Variants in IMMP1L observed in about 807,000 individuals in gnomAD.
The protein encoded by IMMP1L is mitochondrial inner membrane protease subunit 1.
IMMP1L carries 24 observed loss-of-function variants against 21.8 expected under a neutral mutation model. That is an observed-to-expected ratio of 1.10 (90% CI 0.80 to 1.55). The LOEUF (loss-of-function observed/expected upper bound fraction) is 1.55. Among genes scored for constraint, IMMP1L ranks in the 40% most tolerant of loss-of-function variants. The probability of loss-of-function intolerance (pLI) is 0.00; values close to 1 mark genes in which losing one functional copy is unlikely to be tolerated. For missense variants in IMMP1L, 195 were observed against 200.7 expected (o/e 0.97, Z 0.17); for synonymous variants, 46 against 62.8 (o/e 0.73, Z 1.26).
chr11:31,504,407 C>T (rs912388008), intron 1 of IMMP1L, among the ~76,000 whole-genome samples: 5 of 152,168 alleles, frequency 3.3e-5, no homozygotes, highest in Admixed American at 1.3e-4. Flanking sequence ...TGGATAGACC[C>T]TTTCACAAAA....
intron 1 of IMMP1L, among the ~76,000 whole-genome samples, chr11:31,505,465 G>C (rs916816254): frequency 6.6e-6 from 1 of 152,168 alleles, no homozygotes; most frequent in Non-Finnish European, 1.5e-5. Flanking sequence ...AAAACAAACT[G>C]ACATTAGGCA....
chr11:31,475,864 A>T (rs748123045), intron 1 of IMMP1L, among the ~76,000 whole-genome samples: 11 of 152,144 alleles, frequency 7.2e-5, no homozygotes, highest in Non-Finnish European at 1.5e-4. Flanking sequence ...AATAAGAGTG[A>T]CCCCTAGAAC....
At chr11:31,444,432 CT>C (rs1953445570) in intron 4 of IMMP1L, among the ~76,000 whole-genome samples, 1 of 152,116 alleles carries the variant, frequency 6.6e-6, no homozygotes, top group South Asian at 2.1e-4. Context: ...TTATATAGCT[CT>C]GGTGTTACCC....
In IMMP1L at chr11:31,488,624, A is replaced by G. The variant is rs552128296; in HGVS notation, c.-30+20895T>C. ...CATTAACTTCTGCAGGTCAGCATGAATACCTGAGGTTAATTTTAAGAATAA... is the reference window on the plus strand; with the variant it reads ...CATTAACTTCTGCAGGTCAGCATGAGTACCTGAGGTTAATTTTAAGAATAA... On this transcript the variant is annotated intron_variant, in intron 1 of 5. Coordinates refer to ENST00000532287, the MANE Select transcript of IMMP1L (RefSeq NM_001304274.2). 2.0e-5 allele frequency among the ~76,000 whole-genome samples: 3 copies of G among 152,330 alleles called. No individual in the cohort carries two copies. The East Asian group carries it at 5.8e-4, about 29-fold the overall frequency.
At chr11:31,455,280 TAAC>T (rs1953904407) in intron 4 of IMMP1L, among the ~76,000 whole-genome samples, 1 of 152,206 alleles carries the variant, frequency 6.6e-6, no homozygotes, top group Non-Finnish European at 1.5e-5. Flanking sequence ...TAATGTTAGT[TAAC>T]AAACAGCTGC....
At chr11:31,491,208 G>C (rs1253691931) in intron 1 of IMMP1L, among the ~76,000 whole-genome samples, 6 of 152,088 alleles carry the variant, frequency 3.9e-5, no homozygotes, top group Non-Finnish European at 1.5e-5. Context: ...AACAGAAAAA[G>C]CCTAGGTTGC....
At chr11:31,434,705 T>C (rs1241202847) in intron 4 of IMMP1L, among the ~76,000 whole-genome samples, 1 of 152,246 alleles carries the variant, frequency 6.6e-6, no homozygotes, top group African/African-American at 2.4e-5. Flanking sequence ...GAAAGTCTTA[T>C]GTACAAATAT....
chr11:31,449,012 T>C, intron 4 of IMMP1L: 1 of 985,384 alleles, frequency 1.0e-6, no homozygotes, highest in Non-Finnish European at 1.2e-6. Flanking sequence ...AATCAAGGCA[T>C]TAGCAGTATG....
At chr11:31,437,694 A>G (rs1436501687) in intron 4 of IMMP1L, among the ~76,000 whole-genome samples, 1 of 152,130 alleles carries the variant, frequency 6.6e-6, no homozygotes, top group East Asian at 1.9e-4. Context: ...CACAACCACA[A>G]TGATACAGGA....
At chr11:31,505,996 T>C (rs1414219158) in intron 1 of IMMP1L, among the ~76,000 whole-genome samples, 1 of 152,166 alleles carries the variant, frequency 6.6e-6, no homozygotes, top group African/African-American at 2.4e-5. Context: ...TCAAAAGTTA[T>C]ATGCGTGTTT....
intron 1 of IMMP1L, among the ~76,000 whole-genome samples, chr11:31,506,348 C>T (rs531057680): frequency 6.6e-6 from 1 of 151,598 alleles, no homozygotes; most frequent in Non-Finnish European, 1.5e-5. Flanking sequence ...CCTGCCTCAG[C>T]CTCCTGAGCA....
intron 1 of IMMP1L, chr11:31,473,855 T>C (rs1376492179): frequency 5.1e-6 from 2 of 392,650 alleles, no homozygotes; most frequent in Non-Finnish European, 6.9e-6. Flanking sequence ...TACAAGTATG[T>C]AAATACATTA....
At chr11:31,470,926 T>C (rs1391940859) in intron 1 of IMMP1L, among the ~76,000 whole-genome samples, 8 of 152,160 alleles carry the variant, frequency 5.3e-5, no homozygotes, top group Admixed American at 1.3e-4. Flanking sequence ...AAAAAGTTGA[T>C]TTCACAGAAG....
chr11:31,468,266 G>A (rs983693874), intron 1 of IMMP1L, among the ~76,000 whole-genome samples: 1 of 152,100 alleles, frequency 6.6e-6, no homozygotes, highest in Admixed American at 6.6e-5. Context: ...GTAGGAGAAT[G>A]ACCTTGTTCA....
At chr11:31,479,032 C>G (rs1490152888) in intron 1 of IMMP1L, among the ~76,000 whole-genome samples, 1 of 151,846 alleles carries the variant, frequency 6.6e-6, no homozygotes, top group East Asian at 1.9e-4. Context: ...AACAGCTATA[C>G]CAGCTTATCT....
At chr11:31,481,768 T>G (rs1475933681) in intron 1 of IMMP1L, among the ~76,000 whole-genome samples, 1 of 151,922 alleles carries the variant, frequency 6.6e-6, no homozygotes, top group Non-Finnish European at 1.5e-5. Flanking sequence ...AATTTTCAAA[T>G]AGCTAGCATT....
intron 1 of IMMP1L, among the ~76,000 whole-genome samples, chr11:31,506,852 C>T (rs1245431803): frequency 6.6e-6 from 1 of 151,602 alleles, no homozygotes; most frequent in Non-Finnish European, 1.5e-5. Flanking sequence ...CCCAACTACT[C>T]AGGAGGCTGA....
chr11:31,442,865 T>C (rs1953384589), intron 4 of IMMP1L, among the ~76,000 whole-genome samples: 1 of 152,192 alleles, frequency 6.6e-6, no homozygotes, highest in Non-Finnish European at 1.5e-5. Context: ...AACAAACGAC[T>C]GATAGAGCAA....
chr11:31,463,742 G>A (rs1954233441), intron 1 of IMMP1L, among the ~76,000 whole-genome samples: 2 of 151,998 alleles, frequency 1.3e-5, no homozygotes, highest in African/African-American at 4.8e-5. Flanking sequence ...GTTTCACATT[G>A]GTTATTTTAC....
Sources: allele counts gnomAD v4.1 joint callset (sites outside exome capture counted in the v4.1 genomes callset), GRCh38; gene constraint gnomAD v4.1.1; transcripts MANE v1.5; gene names NCBI Gene and HGNC (gene_info 2026-07-23, HGNC 2026-07-21).